Variants in XRN2 observed in about 807,000 individuals in gnomAD.
The protein encoded by XRN2 is DHM1-like protein.
A neutral mutation model predicts 138.5 loss-of-function variants in XRN2; 44 were observed. The observed-to-expected ratio is 0.32, with a 90% CI of 0.25 to 0.41. XRN2 has a LOEUF of 0.41. XRN2 is among the 10% of genes least tolerant of loss of function. The probability of loss-of-function intolerance (pLI) is 1.00; values close to 1 mark genes in which losing one functional copy is unlikely to be tolerated. For missense variants in XRN2, 937 were observed against 1,169.3 expected, an observed-to-expected ratio of 0.80 and a Z score of 2.90; for synonymous variants, 354 against 369.4, an observed-to-expected ratio of 0.96 and a Z score of 0.48.
At chr20:21,380,849 G>C (rs117871653) in intron 27 of XRN2, among the ~76,000 whole-genome samples, 1,866 of 152,250 alleles carry the variant, frequency 0.012, 19 homozygotes, top group Non-Finnish European at 0.019. Context: ...CCCTCCTTCA[G>C]GTAGTTTGTC....
chr20:21,344,862 C>T (rs902883491), intron 16 of XRN2, among the ~76,000 whole-genome samples: 9 of 151,990 alleles, frequency 5.9e-5, no homozygotes, highest in Admixed American at 2.6e-4. Context: ...AGATTTGAAC[C>T]GTGGGCTCCA....
intron 1 of XRN2, among the ~76,000 whole-genome samples, chr20:21,309,855 CTTTGT>C (rs1210658741): frequency 6.6e-6 from 1 of 151,928 alleles, no homozygotes. Context: ...ATTCTACTTT[CTTTGT>C]TTTGTCCCAT....
rs755952262 is a variant in XRN2, at chr20:21,331,590, T to A, written c.606T>A (p.Gly202=). Reference sequence around the variant, plus strand: ...TTTTATCTGATGCTAGTGCTCCTGGTGAAGGAGAACATAAAATCATGGATT... The same window carrying A: ...TTTTATCTGATGCTAGTGCTCCTGGAGAAGGAGAACATAAAATCATGGATT... ...TVILSDASAP[G]EGEHKIMDYI... Residue 202 remains glycine (G), a synonymous_variant, in exon 7 of 30, where the codon GGT becomes GGA. Coordinates refer to ENST00000377191, the MANE Select transcript of XRN2 (RefSeq NM_012255.5). 1 of 1,612,476 alleles carries A rather than the reference T, an allele frequency of 6.2e-7. No individual in the cohort carries two copies. The highest frequency in any genetic ancestry group is 1.1e-5 in the South Asian group (1 of 90,780).
At chr20:21,339,622 G>C (rs1029847715) in intron 14 of XRN2, among the ~76,000 whole-genome samples, 7 of 152,150 alleles carry the variant, frequency 4.6e-5, no homozygotes, top group African/African-American at 1.4e-4. Flanking sequence ...CTGATTAAGA[G>C]TGTTGCCTTC....
intron 17 of XRN2, among the ~76,000 whole-genome samples, chr20:21,346,988 C>T (rs1377679023): frequency 6.6e-6 from 1 of 152,082 alleles, no homozygotes; most frequent in Non-Finnish European, 1.5e-5. Flanking sequence ...TTTTAAAGCT[C>T]CCTATTCAGA....
At chr20:21,385,466 A>G (rs1409992034) in intron 28 of XRN2, among the ~76,000 whole-genome samples, 1 of 152,226 alleles carries the variant, frequency 6.6e-6, no homozygotes, top group Admixed American at 6.5e-5. Context: ...AAATAATTAA[A>G]AGCCCTAGCC....
At chr20:21,342,113 T>G (rs184129621) in intron 15 of XRN2, among the ~76,000 whole-genome samples, 3 of 152,318 alleles carry the variant, frequency 2.0e-5, no homozygotes, top group Admixed American at 2.0e-4. Context: ...AGAGTGGGAT[T>G]TTCACCTAGA....
intron 26 of XRN2, among the ~76,000 whole-genome samples, chr20:21,366,092 AT>A (rs1427359567): frequency 7.1e-4 from 84 of 118,446 alleles, no homozygotes; most frequent in African/African-American, 1.1e-3. Flanking sequence ...TAGTTTATAT[AT>A]ATAACATATA....
intron 6 of XRN2, among the ~76,000 whole-genome samples, chr20:21,331,323 G>A (rs1568574831): frequency 6.6e-6 from 1 of 151,488 alleles, no homozygotes; most frequent in African/African-American, 2.4e-5. Flanking sequence ...AATCAATGAA[G>A]TGGTTTTGGT....
At chr20:21,304,685 C>G (rs1600664517) in intron 1 of XRN2, among the ~76,000 whole-genome samples, 1 of 152,178 alleles carries the variant, frequency 6.6e-6, no homozygotes, top group African/African-American at 2.4e-5. Flanking sequence ...TCAGCCCTCC[C>G]TCTATACTCT....
chr20:21,314,916 G>A (rs2037937096), intron 1 of XRN2, among the ~76,000 whole-genome samples: 1 of 152,156 alleles, frequency 6.6e-6, no homozygotes, highest in Non-Finnish European at 1.5e-5. Context: ...AGAAGCCTAG[G>A]ATTCATTCTG....
chr20:21,352,948 A>G (rs1233062986), intron 20 of XRN2, among the ~76,000 whole-genome samples: 2 of 151,954 alleles, frequency 1.3e-5, no homozygotes, highest in African/African-American at 4.8e-5. Context: ...CATGTTTACT[A>G]TCAGCTCACT....
chr20:21,335,040 A>C (rs928758663), intron 13 of XRN2, among the ~76,000 whole-genome samples: 5 of 152,210 alleles, frequency 3.3e-5, no homozygotes, highest in Admixed American at 1.3e-4. Flanking sequence ...ATAGAAGCCT[A>C]GGGAACCACG....
intron 1 of XRN2, among the ~76,000 whole-genome samples, chr20:21,319,765 A>G (rs1400565670): frequency 6.6e-6 from 1 of 152,104 alleles, no homozygotes; most frequent in Non-Finnish European, 1.5e-5. Flanking sequence ...TAATCCAACA[A>G]TACATTTTTT....
chr20:21,308,029 T>C (rs2037827071), intron 1 of XRN2, among the ~76,000 whole-genome samples: 1 of 75,574 alleles, frequency 1.3e-5, no homozygotes, highest in Admixed American at 1.6e-4. Flanking sequence ...CTCCACCTTC[T>C]GGGTTCAAGC....
intron 21 of XRN2, among the ~76,000 whole-genome samples, chr20:21,355,830 T>C (rs899347270): frequency 6.6e-6 from 1 of 152,172 alleles, no homozygotes; most frequent in Non-Finnish European, 1.5e-5. Context: ...ATTTATCTTT[T>C]CTTTGTGTTG....
At position 21,333,585 on chromosome 20, in the gene XRN2, G is replaced by A; in HGVS notation, c.900G>A (p.Glu300=). The A allele has an allele frequency of 6.2e-7, 1 of 1,613,790 alleles. No individual in the cohort carries two copies. Among genetic ancestry groups the A allele is most frequent in the South Asian group, 1.1e-5 (1 of 91,074 alleles). ...LADSLPCAEG[E]FIFLRLNVLR... ...ATAGTCTTCCTTGTGCAGAAGGAGAGTTTATCTTCCTTCGGCTTAATGTTC... is the reference window on the plus strand; with the variant it reads ...ATAGTCTTCCTTGTGCAGAAGGAGAATTTATCTTCCTTCGGCTTAATGTTC... The change falls in exon 10 of 30, where the codon GAG becomes GAA. Residue 300 remains glutamate (E), a synonymous_variant. Transcript: ENST00000377191.
intron 23 of XRN2, among the ~76,000 whole-genome samples, 161 bp from the exon 24 acceptor site, chr20:21,357,575 T>TA (rs1209085507): frequency 6.6e-6 from 1 of 152,208 alleles, no homozygotes; most frequent in Non-Finnish European, 1.5e-5. Flanking sequence ...ATGTGGTACT[T>TA]ACTCTTTTTT....
At chr20:21,375,877 C>T (rs1312206852) in intron 27 of XRN2, among the ~76,000 whole-genome samples, 7 of 151,434 alleles carry the variant, frequency 4.6e-5, no homozygotes, top group East Asian at 2.0e-4. Flanking sequence ...CTCTCTCTGT[C>T]GCCCAGGCTG....
Sources: gnomAD v4.1 joint callset for allele counts (sites outside exome capture counted in the v4.1 genomes callset) on GRCh38, gnomAD v4.1.1 for gene constraint, MANE v1.5 for transcripts, NCBI Gene and HGNC (gene_info 2026-07-23, HGNC 2026-07-21) for gene names.